IGFBP1: variants seen among roughly 807,000 people sequenced by gnomAD.
IGFBP1 encodes the protein insulin-like growth factor-binding protein 1.
In IGFBP1, 31 loss-of-function variants were observed where a neutral mutation model predicts 23.1. The observed-to-expected ratio is 1.34, with a 90% CI of 1.01 to 1.81. The LOEUF (loss-of-function observed/expected upper bound fraction) is 1.81. IGFBP1 is among the 40% of genes most tolerant of loss of function. The probability of loss-of-function intolerance (pLI) is 0.00; values close to 1 mark genes in which losing one functional copy is unlikely to be tolerated. For synonymous variants in IGFBP1, 148 were observed against 145.5 expected (o/e 1.02, Z -0.13); for missense variants, 333 against 342.2 (o/e 0.97, Z 0.21).
At chr7:45,890,271 G>A (rs1275540807) in intron 1 of IGFBP1, among the ~76,000 whole-genome samples, 4 of 152,154 alleles carry the variant, frequency 2.6e-5, no homozygotes, top group African/African-American at 9.7e-5. Context: ...TTGTTGCTCT[G>A]CTCCCCTGCT....
At chr7:45,890,925 A>G (rs1209734292) in intron 2 of IGFBP1, among the ~76,000 whole-genome samples, 1 of 152,196 alleles carries the variant, frequency 6.6e-6, no homozygotes, top group African/African-American at 2.4e-5. Flanking sequence ...ACTGGATGCA[A>G]AGAAAATGTA....
At position 45,890,592 on chromosome 7, in the gene IGFBP1, G is replaced by A. The variant is rs1216411756; in HGVS notation, c.394G>A (p.Glu132Lys). 6.2e-7 allele frequency: 1 copy of A among 1,613,744 alleles called. No homozygotes were observed. Among genetic ancestry groups the A allele is most frequent in the East Asian group, 2.2e-5 (1 of 44,840 alleles). Residue 132 changes from glutamate to lysine, a missense_variant, in exon 2 of 4, where the codon GAG becomes AAG. By Grantham distance (56) the Glu-to-Lys change is moderately conservative. Coordinates refer to ENST00000275525, the MANE Select transcript of IGFBP1 (RefSeq NM_000596.4). ...CCCAGAGAGCACGGAGATAACTGAG[G>A]AGGAGCTCCTGGATAATTTCCATCT... ...ESPESTEITE[E>K]ELLDNFHLMA...
In IGFBP1 at chr7:45,892,056, G is replaced by A. The variant is rs1487147268; in HGVS notation, c.644G>A (p.Arg215Lys). 1 of 1,614,166 alleles carries A rather than the reference G, an allele frequency of 6.2e-7. No homozygotes were observed. Among genetic ancestry groups the A allele is most frequent in the Non-Finnish European group, 8.5e-7 (1 of 1,180,014 alleles). The change falls in exon 3 of 4, where the codon AGA becomes AAA. Residue 215 changes from arginine to lysine, a missense_variant. Physicochemically the swap from Arg to Lys is conservative, Grantham distance 26. Transcript: ENST00000275525. ...AACAAGAATGGATTTTATCACAGCA[G>A]ACAGGTAGGTGGCCTTGCCAGTGTG... is the stretch of plus-strand genomic sequence containing the variant. ...NCNKNGFYHS[R>K]QCETSMDGEA...
chr7:45,891,347 A>C (rs1174118886), intron 2 of IGFBP1, among the ~76,000 whole-genome samples: 1 of 152,238 alleles, frequency 6.6e-6, no homozygotes, highest in African/African-American at 2.4e-5. Context: ...ACTTCCACAA[A>C]CATGCCTACC....
At chr7:45,891,851 A>C in intron 2 of IGFBP1, 81 bp from the exon 3 acceptor site, 1 of 1,439,890 alleles carries the variant, frequency 6.9e-7, no homozygotes. Context: ...TGCTTCTACA[A>C]AACCTCTTCC....
chr7:45,888,975 C>T lies in IGFBP1; in HGVS notation c.323C>T (p.Ser108Phe), dbSNP rs374816684. ...GGCCAAGGCGCCTGCGTGCAGGAGT[C>T]TGACGCCTCCGCTCCCCATGCTGCA... ...TRGQGACVQE[S>F]DASAPHAAEA... Residue 108 changes from serine to phenylalanine, a missense_variant, in exon 1 of 4, where the codon TCT (serine) becomes TTT (phenylalanine). Coordinates refer to ENST00000275525, the MANE Select transcript of IGFBP1 (RefSeq NM_000596.4). 2.1e-5 allele frequency: 32 copies of T among 1,519,724 alleles called. 1 individual carries two copies. Among genetic ancestry groups the T allele is most frequent in the African/African-American group, 1.3e-4 (9 of 70,212 alleles). The allele number at this position is 1,519,724 out of a possible 1,614,324, so 94.1% of individuals were successfully genotyped here. A position where few individuals can be genotyped will look rare whatever the true frequency, so the allele number is the denominator to read the frequency against.
Position 45,888,536 on chromosome 7 carries a change from C to A in IGFBP1, c.-117C>A. On this transcript the variant is annotated 5_prime_UTR_variant, in exon 1 of 4. Coordinates refer to ENST00000275525, the MANE Select transcript of IGFBP1 (RefSeq NM_000596.4). ...GCGAGCATCTGCCGCCGCGCCGCCG[C>A]CACCCTCCCAGAGAGCACTGGCCAC... is the stretch of plus-strand genomic sequence containing the variant. The A allele has an allele frequency of 1.2e-6, 1 of 854,620 alleles. No individual in the cohort carries two copies. Among genetic ancestry groups the A allele is most frequent in the Non-Finnish European group, 1.8e-6 (1 of 557,266 alleles). 52.9% of individuals were successfully genotyped at this position (854,620 alleles called of 1,614,324 possible). A position where few individuals can be genotyped will look rare whatever the true frequency, so the allele number is the denominator to read the frequency against.
Position 45,892,185 on chromosome 7 carries a change from T to C in IGFBP1, c.648+125T>C. 2.9e-6 allele frequency: 3 copies of C among 1,031,272 alleles called. No homozygotes were observed. The South Asian group carries it at 4.8e-5, about 16-fold the overall frequency. 63.9% of individuals were successfully genotyped at this position (1,031,272 alleles called of 1,614,324 possible). ...AAGTAGACACCAGAAGTGGTTGTATTGAGCCAGATCCACCCCTCTGGGAAC... is the reference window on the plus strand; with the variant it reads ...AAGTAGACACCAGAAGTGGTTGTATCGAGCCAGATCCACCCCTCTGGGAAC... On this transcript the variant is annotated intron_variant, in intron 3 of 3. Coordinates refer to ENST00000275525, the MANE Select transcript of IGFBP1 (RefSeq NM_000596.4).
rs1787014080 is a variant in IGFBP1 at position 45,888,513 on chromosome 7, G to A, written c.-140G>A. ...ATCGGCCACCGCCATCCCATCCAGC[G>A]AGCATCTGCCGCCGCGCCGCCGCCA... On this transcript the variant is annotated 5_prime_UTR_variant, in exon 1 of 4. Coordinates refer to ENST00000275525, the MANE Select transcript of IGFBP1 (RefSeq NM_000596.4). The A allele has an allele frequency of 5.8e-6, 4 of 688,018 alleles. No homozygotes were observed. Among genetic ancestry groups the A allele is most frequent in the Admixed American group, 2.4e-5 (1 of 41,516 alleles). 42.6% of individuals were successfully genotyped at this position (688,018 alleles called of 1,614,324 possible).
Position 45,893,291 on chromosome 7 carries a change from C to T in IGFBP1, c.*200C>T, listed in dbSNP as rs1787117017. 4.7e-6 allele frequency: 1 copy of T among 210,654 alleles called. No homozygotes were observed. The highest frequency in any genetic ancestry group is 1.6e-4 in the South Asian group (1 of 6,376). The allele number at this position is 210,654 out of a possible 1,614,324, so 13.0% of individuals were successfully genotyped here. On this transcript the variant is annotated 3_prime_UTR_variant, in exon 4 of 4. Coordinates refer to ENST00000275525, the MANE Select transcript of IGFBP1 (RefSeq NM_000596.4). ...TTTTTCTACACAGTAAAAACTTGTA[C>T]TATGTTAATAACTTGTCCTATGTCA...
Position 45,888,894 on chromosome 7 carries a change from G to C in IGFBP1, c.242G>C (p.Gly81Ala), listed in dbSNP as rs781252053. Residue 81 changes from glycine (G) to alanine (A), a missense_variant, in exon 1 of 4, where the codon GGA becomes GCA. Transcript: ENST00000275525. ...CGVATARCARGLSCRALPGEQ... is the reference protein window; with the variant it reads ...CGVATARCARALSCRALPGEQ... ...GTGGCGACTGCACGCTGCGCCCGGG[G>C]ACTCAGTTGCCGCGCGCTGCCGGGG... is the stretch of plus-strand genomic sequence containing the variant. 1 of 1,502,186 alleles carries C rather than the reference G, an allele frequency of 6.7e-7. No homozygotes were observed. The highest frequency in any genetic ancestry group is 8.8e-7 in the Non-Finnish European group (1 of 1,136,526). 93.1% of individuals were successfully genotyped at this position (1,502,186 alleles called of 1,614,324 possible). A position where few individuals can be genotyped will look rare whatever the true frequency, so the allele number is the denominator to read the frequency against.
At chr7:45,892,812 G>T (rs1044391899) in intron 3 of IGFBP1, 148 bp from the exon 4 acceptor site, 2 of 651,198 alleles carry the variant, frequency 3.1e-6, no homozygotes, top group East Asian at 5.2e-5. Flanking sequence ...TGTGAGATTT[G>T]CCTGCATCAT....
Position 45,893,030 on chromosome 7 carries a change from CT to C in IGFBP1, c.720del (p.Ser242LeufsTer22). The stretch of plus-strand genomic sequence containing the variant: ...TACCCTTGGAATGGGAAGAGGATCC[CT>C]GGGTCTCCAGAGATCAGGGGAGACC... ...CVYPWNGKRI[P>X]GSPEIRGDPN... On this transcript the variant is annotated frameshift_variant, in exon 4 of 4. Transcript: ENST00000275525. LOFTEE classifies it low-confidence loss of function (END_TRUNC). 1 of 1,612,632 alleles carries C rather than the reference CT, an allele frequency of 6.2e-7. No individual in the cohort carries two copies. The highest frequency in any genetic ancestry group is 8.5e-7 in the Non-Finnish European group (1 of 1,178,728).
chr7:45,892,881 GA>G, intron 3 of IGFBP1, 78 bp from the exon 4 acceptor site: 5 of 1,475,028 alleles, frequency 3.4e-6, no homozygotes, highest in Admixed American at 1.8e-5. Flanking sequence ...CGGCTGCACT[GA>G]AAAAAGGGCC....
intron 3 of IGFBP1, 44 bp from the exon 4 acceptor site, chr7:45,892,916 C>G (rs1787101867): frequency 6.3e-7 from 1 of 1,594,286 alleles, no homozygotes; most frequent in Non-Finnish European, 8.6e-7. Flanking sequence ...CTTTCCCTGT[C>G]AGCTTGTCAT....
rs9658209 is a variant in IGFBP1 at position 45,890,657 on chromosome 7, C to A, written c.459C>A (p.Asp153Glu). 750 of 1,613,750 alleles carry A rather than the reference C, an allele frequency of 4.6e-4. No individual in the cohort carries two copies. The highest frequency in any genetic ancestry group is 6.1e-4 in the Non-Finnish European group (722 of 1,179,850). Residue 153 changes from aspartate (D) to glutamate (E), a missense_variant, in exon 2 of 4, where the codon GAC becomes GAA. By Grantham distance (45) the Asp-to-Glu change is conservative. Transcript: ENST00000275525. The stretch of plus-strand genomic sequence containing the variant: ...AAGAGGATCATTCCATCCTTTGGGA[C>A]GCCATCAGTACCTATGATGGCTCGA... ...PSEEDHSILW[D>E]AISTYDGSKA...
intron 2 of IGFBP1, among the ~76,000 whole-genome samples, chr7:45,891,610 T>C (rs1475722561): frequency 6.6e-6 from 1 of 152,200 alleles, no homozygotes; most frequent in Non-Finnish European, 1.5e-5. Context: ...AAGTATTCAG[T>C]AGGTGGCAGG....
intron 3 of IGFBP1, among the ~76,000 whole-genome samples, chr7:45,892,627 A>G (rs1874479): frequency 0.1 from 15,768 of 152,286 alleles, 1,005 homozygotes; most frequent in East Asian, 0.19. Context: ...CCTGCTTCAC[A>G]GGCAATGAAC....
In IGFBP1 at chr7:45,888,751, C is replaced by A. The variant is rs748974940; in HGVS notation, c.99C>A (p.Cys33Ter). The change falls in exon 1 of 4, where the codon TGC becomes TGA. Residue 33 changes from cysteine (C) to a stop codon, truncating the protein, a stop_gained. Coordinates refer to ENST00000275525, the MANE Select transcript of IGFBP1 (RefSeq NM_000596.4). LOFTEE classifies it high-confidence loss of function. ...TAGAPWQCAP[C>*]SAEKLALCPP... ...GCGCTCCGTGGCAGTGCGCGCCCTG[C>A]TCCGCCGAGAAGCTCGCGCTCTGCC... 16 of 1,586,676 alleles carry A rather than the reference C, an allele frequency of 1.0e-5. 1 individual carries two copies. The South Asian group carries it at 1.7e-4, about 17-fold the overall frequency.
Sources: allele counts gnomAD v4.1 joint callset (sites outside exome capture counted in the v4.1 genomes callset), GRCh38; gene constraint gnomAD v4.1.1; transcripts MANE v1.5; gene names NCBI Gene and HGNC (gene_info 2026-07-23, HGNC 2026-07-21).